ARHGAP10: variants seen among roughly 807,000 people sequenced by gnomAD.
The protein encoded by ARHGAP10 is Rho GTPase activating protein 10.
A neutral mutation model predicts 108.6 loss-of-function variants in ARHGAP10; 87 were observed. That is an observed-to-expected ratio of 0.80 (90% CI 0.67 to 0.96). ARHGAP10 has a LOEUF of 0.96. Ranked by LOEUF, ARHGAP10 falls within the 40% of genes least tolerant of loss-of-function variation. The pLI, the probability that ARHGAP10 is intolerant of heterozygous loss-of-function variation, is 0.00. For missense variants in ARHGAP10, 939 were observed against 954.5 expected (o/e 0.98, Z 0.21); for synonymous variants, 347 against 341.1 (o/e 1.02, Z -0.19).
intron 4 of ARHGAP10, among the ~76,000 whole-genome samples, chr4:147,854,186 C>T (rs1733995264): frequency 1.3e-5 from 2 of 152,184 alleles, no homozygotes; most frequent in South Asian, 4.1e-4. Flanking sequence ...AAGCTGACTT[C>T]TACCATATTC....
At chr4:147,819,419 G>A (rs939668122) in intron 1 of ARHGAP10, among the ~76,000 whole-genome samples, 3 of 151,930 alleles carry the variant, frequency 2.0e-5, no homozygotes, top group African/African-American at 7.3e-5. Context: ...CAGCAAAATA[G>A]AATAATGTGT....
At chr4:148,026,986 T>G (rs2149666448) in intron 19 of ARHGAP10, among the ~76,000 whole-genome samples, 1 of 152,334 alleles carries the variant, frequency 6.6e-6, no homozygotes, top group African/African-American at 2.4e-5. Flanking sequence ...TTACAATCTC[T>G]TACATAAAGA....
chr4:148,045,757 A>G (rs994156069), intron 19 of ARHGAP10, among the ~76,000 whole-genome samples: 26 of 151,550 alleles, frequency 1.7e-4, no homozygotes, highest in East Asian at 1.4e-3. Flanking sequence ...AAAAAAAAAA[A>G]AAAAAAAAGA....
chr4:147,838,088 T>C (rs2126806246), intron 3 of ARHGAP10, among the ~76,000 whole-genome samples: 1 of 152,300 alleles, frequency 6.6e-6, no homozygotes, highest in South Asian at 2.1e-4. Context: ...TTTCTGCACT[T>C]ATTTAATAAA....
chr4:147,761,996 T>A (rs967339552), intron 1 of ARHGAP10, among the ~76,000 whole-genome samples: 5 of 152,180 alleles, frequency 3.3e-5, no homozygotes, highest in Non-Finnish European at 7.4e-5. Context: ...CATTAGAAAT[T>A]CATTCCCTCT....
chr4:147,928,538 C>CTTA (rs1308180970), intron 13 of ARHGAP10, among the ~76,000 whole-genome samples: 14 of 152,256 alleles, frequency 9.2e-5, no homozygotes, highest in Middle Eastern at 3.4e-3. Flanking sequence ...GAAAGCAAGA[C>CTTA]TTATATAGGA....
At chr4:148,059,973 TGAGA>T (rs145893430) in intron 20 of ARHGAP10, among the ~76,000 whole-genome samples, 41 of 146,168 alleles carry the variant, frequency 2.8e-4, no homozygotes, top group African/African-American at 7.8e-4. Context: ...GCCCACTCTT[TGAGA>T]GAGAGAGAGA....
chr4:147,878,838 G>T (rs1002313238), intron 8 of ARHGAP10, among the ~76,000 whole-genome samples: 1 of 146,970 alleles, frequency 6.8e-6, no homozygotes, highest in African/African-American at 2.5e-5. Context: ...GCGCAGTGGC[G>T]CGATCTCGGC....
At chr4:147,939,076 C>A (rs192084796) in intron 13 of ARHGAP10, among the ~76,000 whole-genome samples, 1 of 152,252 alleles carries the variant, frequency 6.6e-6, no homozygotes, top group African/African-American at 2.4e-5. Context: ...ATTTTCTTAC[C>A]CTTAATGCTA....
intron 19 of ARHGAP10, among the ~76,000 whole-genome samples, chr4:148,040,340 T>G (rs1728576359): frequency 6.6e-6 from 1 of 152,108 alleles, no homozygotes; most frequent in Admixed American, 6.6e-5. Context: ...CAGGTTTTTT[T>G]GTTTTTTGTT....
At chr4:147,955,160 G>T (rs769109664) in intron 15 of ARHGAP10, among the ~76,000 whole-genome samples, 156 bp from the exon 16 acceptor site, 3 of 152,022 alleles carry the variant, frequency 2.0e-5, no homozygotes, top group Admixed American at 6.5e-5. Context: ...AAAGTGATCC[G>T]TTTATGTATC....
At chr4:148,031,058 C>CCAA (rs902495218) in intron 19 of ARHGAP10, among the ~76,000 whole-genome samples, 10 of 151,898 alleles carry the variant, frequency 6.6e-5, no homozygotes, top group Admixed American at 5.2e-4. Flanking sequence ...GACCCCATCT[C>CCAA]CAACAACAAC....
chr4:148,046,941 C>T lies in ARHGAP10; in HGVS notation c.1917C>T (p.Asp639=). The part of the protein sequence containing the change: ...SKEDTPTSSL[D]SLSSPSPVTT... Reference sequence around the variant, plus strand: ...AGGACACCCCTACCAGCAGTCTGGACTCACTTTCCTCCCCGTCTCCCGTGA... The same window carrying T: ...AGGACACCCCTACCAGCAGTCTGGATTCACTTTCCTCCCCGTCTCCCGTGA... Residue 639 remains aspartate, a synonymous_variant, in exon 20 of 23, where the codon GAC becomes GAT. Transcript: ENST00000336498. 2 of 1,614,170 alleles carry T rather than the reference C, an allele frequency of 1.2e-6. No individual in the cohort carries two copies. Among genetic ancestry groups the T allele is most frequent in the East Asian group, 2.2e-5 (1 of 44,880 alleles).
At chr4:147,766,799 C>CATAT (rs57572532) in intron 1 of ARHGAP10, among the ~76,000 whole-genome samples, 121 of 126,348 alleles carry the variant, frequency 9.6e-4, no homozygotes, top group African/African-American at 2.3e-3. Flanking sequence ...CATATATTCA[C>CATAT]ATATATATAT....
At position 147,837,568 on chromosome 4, in the gene ARHGAP10, C is replaced by A. The variant is rs138383438; in HGVS notation, c.313-9583C>A. Among the ~76,000 whole-genome samples the A allele has an allele frequency of 2.2e-3, 340 of 151,566 alleles. 2 individuals carry two copies. Among genetic ancestry groups the A allele is most frequent in the African/African-American group, 7.9e-3 (325 of 41,362 alleles). ...AGTTTGCACCAAGAGCCTCACTGCC[C>A]TGTGGCTGTTGGAAGAACTGCTGCC... On this transcript the variant is annotated intron_variant, in intron 3 of 22. Coordinates refer to ENST00000336498, the MANE Select transcript of ARHGAP10 (RefSeq NM_024605.4).
intron 1 of ARHGAP10, among the ~76,000 whole-genome samples, chr4:147,746,195 C>CG (rs1728912832): frequency 6.6e-6 from 1 of 151,918 alleles, no homozygotes; most frequent in Admixed American, 6.6e-5. Flanking sequence ...CCTCTGCCTC[C>CG]GGGGTTAAAG....
At chr4:147,895,534 A>AT (rs1181121222) in intron 10 of ARHGAP10, among the ~76,000 whole-genome samples, 1 of 150,614 alleles carries the variant, frequency 6.6e-6, no homozygotes, top group African/African-American at 2.4e-5. Flanking sequence ...AAAAAAAAAA[A>AT]ATTAGCCAGG....
At chr4:147,811,666 T>G (rs1732026860) in intron 1 of ARHGAP10, among the ~76,000 whole-genome samples, 1 of 152,166 alleles carries the variant, frequency 6.6e-6, no homozygotes, top group Admixed American at 6.5e-5. Context: ...AAACAGCTGT[T>G]TTATGTGCAA....
chr4:147,867,651 G>T (rs1734619675), intron 7 of ARHGAP10, among the ~76,000 whole-genome samples: 1 of 151,932 alleles, frequency 6.6e-6, no homozygotes, highest in African/African-American at 2.4e-5. Flanking sequence ...AGATCGCGAG[G>T]TCAAGAGATT....
Sources: allele counts gnomAD v4.1 joint callset (sites outside exome capture counted in the v4.1 genomes callset), GRCh38; gene constraint gnomAD v4.1.1; transcripts MANE v1.5; gene names NCBI Gene and HGNC (gene_info 2026-07-23, HGNC 2026-07-21).